The following GUCY2C variants were observed in gnomAD, a reference collection of about 807,000 sequenced individuals.
GUCY2C encodes guanylate cyclase 2C.
In GUCY2C, 118 loss-of-function variants were observed where a neutral mutation model predicts 131.1. The observed-to-expected ratio is 0.90, with a 90% CI of 0.78 to 1.05. The LOEUF is 1.05. Among genes scored for constraint, GUCY2C ranks in the 50% least tolerant of loss-of-function variants. The pLI is 0.00. For synonymous variants in GUCY2C, 452 were observed against 457.8 expected (o/e 0.99, Z 0.16); for missense variants, 1,161 against 1,304.4 (o/e 0.89, Z 1.69).
rs573699558 is a variant in GUCY2C at position 14,679,455 on chromosome 12, T to G, written c.830+202A>C. ...ATAAACCTTTTATATTTACAAATGGTGAAGGTGTCAAAGGAATGCATCTCT... is the reference window on the plus strand; with the variant it reads ...ATAAACCTTTTATATTTACAAATGGGGAAGGTGTCAAAGGAATGCATCTCT... On this transcript the variant is annotated intron_variant, in intron 6 of 26. Coordinates refer to ENST00000261170, the MANE Select transcript of GUCY2C (RefSeq NM_004963.4). Among the ~76,000 whole-genome samples, 4 of 152,284 alleles carry G rather than the reference T, an allele frequency of 2.6e-5. No homozygotes were observed. The East Asian group carries it at 7.7e-4, about 29-fold the overall frequency.
intron 7 of GUCY2C, among the ~76,000 whole-genome samples, chr12:14,675,884 A>T (rs1010538762): frequency 1.3e-5 from 2 of 152,244 alleles, no homozygotes; most frequent in Non-Finnish European, 2.9e-5. Context: ...CATTGGTTTC[A>T]GTTTCTTTTG....
At chr12:14,664,419 G>T (rs1357529069) in intron 10 of GUCY2C, among the ~76,000 whole-genome samples, 1 of 151,710 alleles carries the variant, frequency 6.6e-6, no homozygotes, top group African/African-American at 2.4e-5. Flanking sequence ...GGGAATATGG[G>T]GACTCCTCAG....
intron 9 of GUCY2C, among the ~76,000 whole-genome samples, chr12:14,670,928 A>G (rs766572618): frequency 1.1e-4 from 16 of 151,610 alleles, no homozygotes; most frequent in South Asian, 2.1e-4. Context: ...CACTTCTTAC[A>G]TGGTGGCAGC....
At chr12:14,637,368 C>T (rs930171135) in intron 19 of GUCY2C, among the ~76,000 whole-genome samples, 5 of 152,032 alleles carry the variant, frequency 3.3e-5, no homozygotes, top group Admixed American at 1.3e-4. Context: ...CTGCCCAAAG[C>T]AATCTATAGA....
rs192638054 is a variant in GUCY2C at position 14,614,617 on chromosome 12, G to A, written c.3047+250C>T. On this transcript the variant is annotated intron_variant, in intron 26 of 26. Transcript: ENST00000261170. ...ACATCTGATTCAGGGAAGCAAGTCT[G>A]TGTTCCAGACAGGGAAGCCAAGGCT... 610 of 425,318 alleles carry A rather than the reference G, an allele frequency of 1.4e-3. 6 individuals carry two copies. The highest frequency in any genetic ancestry group is 0.011 in the African/African-American group (541 of 47,372). The allele number at this position is 425,318 out of a possible 1,614,324, so 26.3% of individuals were successfully genotyped here. A position where few individuals can be genotyped will look rare whatever the true frequency, so the allele number is the denominator to read the frequency against.
intron 20 of GUCY2C, among the ~76,000 whole-genome samples, chr12:14,627,438 G>T (rs1325484297): frequency 6.6e-6 from 1 of 152,176 alleles, no homozygotes; most frequent in Non-Finnish European, 1.5e-5. Flanking sequence ...TAGAATGGAT[G>T]TGGGAGCAGG....
At chr12:14,679,839 A>T in intron 5 of GUCY2C, 86 bp from the exon 6 acceptor site, 1 of 717,190 alleles carries the variant, frequency 1.4e-6, no homozygotes. Context: ...ATTTGAATCC[A>T]GTATGTTAAT....
intron 2 of GUCY2C, among the ~76,000 whole-genome samples, chr12:14,686,534 A>G (rs1306742765): frequency 6.6e-6 from 1 of 152,188 alleles, no homozygotes; most frequent in African/African-American, 2.4e-5. Context: ...CTGTAGCATT[A>G]GTAGTGTCTG....
intron 15 of GUCY2C, among the ~76,000 whole-genome samples, chr12:14,647,063 G>A (rs1947536976): frequency 6.6e-6 from 1 of 152,156 alleles, no homozygotes; most frequent in African/African-American, 2.4e-5. Context: ...TTTGGGAAGA[G>A]GGAACAGCAT....
Position 14,617,086 on chromosome 12 carries a change from C to T in GUCY2C, c.2876-359G>A, listed in dbSNP as rs1946781182. 2.0e-5 allele frequency among the ~76,000 whole-genome samples: 3 copies of T among 152,284 alleles called. No homozygotes were observed. In the South Asian group the frequency reaches 6.2e-4, roughly 32 times the overall value. ...AAAGGTGTGGCACCTGCCCCTGCCA[C>T]TCTCTTTCTTACTCCTGCTTTTGCT... On this transcript the variant is annotated intron_variant, in intron 24 of 26. Transcript: ENST00000261170.
chr12:14,651,018 A>G (rs1238070170), intron 15 of GUCY2C, among the ~76,000 whole-genome samples: 1 of 152,136 alleles, frequency 6.6e-6, no homozygotes, highest in Non-Finnish European at 1.5e-5. Flanking sequence ...GAGTGGAGTA[A>G]TAATTTGGAC....
intron 4 of GUCY2C, among the ~76,000 whole-genome samples, 175 bp downstream of exon 4, chr12:14,682,867 A>G (rs1461283057): frequency 6.6e-6 from 1 of 152,054 alleles, no homozygotes; most frequent in Non-Finnish European, 1.5e-5. Flanking sequence ...TATTTTTACA[A>G]CTCTATATTT....
chr12:14,696,388 A>G lies in GUCY2C; in HGVS notation c.61T>C (p.Ser21Pro). 6.2e-7 allele frequency: 1 copy of G among 1,614,144 alleles called. No individual in the cohort carries two copies. Among genetic ancestry groups the G allele is most frequent in the Non-Finnish European group, 8.5e-7 (1 of 1,180,016 alleles). ...TTCTGACTCACCTGGGAACTAAAGG[A>G]CAGCCACCCGGGCTGGAAGAGCAGT... ...WSLLFQPGWL[S>P]FSSQVSQNCH... Residue 21 changes from serine to proline, a missense_variant, in exon 1 of 27, where the codon TCC becomes CCC. Coordinates refer to ENST00000261170, the MANE Select transcript of GUCY2C (RefSeq NM_004963.4).
Position 14,686,466 on chromosome 12 carries a change from G to A in GUCY2C, c.331-241C>T, listed in dbSNP as rs187171914. On this transcript the variant is annotated intron_variant, in intron 2 of 26. Coordinates refer to ENST00000261170, the MANE Select transcript of GUCY2C (RefSeq NM_004963.4). ...TTTTACAAAGGTGAGCTGACTGGAG[G>A]TGAACCTGGCTTCCTTCTCAATGCA... Among the ~76,000 whole-genome samples the A allele has an allele frequency of 3.2e-4, 48 of 152,296 alleles. No homozygotes were observed. In the East Asian group the frequency reaches 7.9e-3, roughly 25 times the overall value.
At chr12:14,679,886 T>G in intron 5 of GUCY2C, 133 bp from the exon 6 acceptor site, 1 of 478,030 alleles carries the variant, frequency 2.1e-6, no homozygotes, top group Non-Finnish European at 3.6e-6. Context: ...ATTCCTTAAA[T>G]TCCTCCTTCC....
intron 4 of GUCY2C, among the ~76,000 whole-genome samples, chr12:14,682,049 A>T (rs1392842413): frequency 6.6e-6 from 1 of 152,148 alleles, no homozygotes; most frequent in Non-Finnish European, 1.5e-5. Flanking sequence ...TTGCTTACTT[A>T]GATGGAGAAA....
intron 16 of GUCY2C, 106 bp from the exon 17 acceptor site, chr12:14,643,812 C>G: frequency 1.1e-6 from 1 of 942,556 alleles, no homozygotes; most frequent in Non-Finnish European, 1.6e-6. Context: ...CAGATGGTCA[C>G]ACCATCAGAT....
intron 18 of GUCY2C, among the ~76,000 whole-genome samples, chr12:14,640,331 C>A (rs1466643259): frequency 4.6e-5 from 7 of 151,780 alleles, no homozygotes; most frequent in Non-Finnish European, 7.4e-5. Flanking sequence ...GTGGTGTGCA[C>A]CTGTCGTCCC....
intron 19 of GUCY2C, among the ~76,000 whole-genome samples, chr12:14,636,184 T>C (rs1275545246): frequency 1.3e-5 from 2 of 152,040 alleles, no homozygotes; most frequent in Non-Finnish European, 2.9e-5. Flanking sequence ...CTGAGGAACA[T>C]AGATGCAAAA....
Sources: gnomAD v4.1 joint callset for allele counts (sites outside exome capture counted in the v4.1 genomes callset) on GRCh38, gnomAD v4.1.1 for gene constraint, MANE v1.5 for transcripts, NCBI Gene and HGNC (gene_info 2026-07-23, HGNC 2026-07-21) for gene names.